Variants in ZNF423 observed in about 807,000 individuals in gnomAD.
ZNF423 encodes the protein zinc finger protein 423.
Under a neutral mutation model 95.8 loss-of-function variants are expected in ZNF423, and 12 were observed. That is an observed-to-expected ratio of 0.13 (90% CI 0.08 to 0.20). The LOEUF is 0.20. Among genes scored for constraint, ZNF423 ranks in the 10% least tolerant of loss-of-function variants. The pLI is 1.00. For missense variants in ZNF423, 1,316 were observed against 1,737.1 expected, an observed-to-expected ratio of 0.76 and a Z score of 4.31; for synonymous variants, 749 against 711.9, an observed-to-expected ratio of 1.05 and a Z score of -0.83.
rs114909092 is a variant in ZNF423, at chr16:49,695,168, C to T, written c.301+35603G>A. On this transcript the variant is annotated intron_variant, in intron 3 of 7. Transcript: ENST00000563137. ...TCTCACTCTTGCCCAAGCTGGAGTG[C>T]GGTGGCGCGATCTGGGCTCACTGAA... Among the ~76,000 whole-genome samples, 99 of 152,338 alleles carry T rather than the reference C, an allele frequency of 6.5e-4. 1 individual carries two copies. The South Asian group carries it at 0.017, about 25-fold the overall frequency.
intron 2 of ZNF423, among the ~76,000 whole-genome samples, chr16:49,752,172 C>A (rs988240904): frequency 6.6e-6 from 1 of 152,258 alleles, no homozygotes; most frequent in East Asian, 1.9e-4. Context: ...ATGCGGGCCA[C>A]TGTGCCCGTG....
chr16:49,577,635 A>G (rs1346275090), intron 5 of ZNF423, among the ~76,000 whole-genome samples: 2 of 152,196 alleles, frequency 1.3e-5, no homozygotes, highest in East Asian at 3.9e-4. Context: ...AGGTAAGTGC[A>G]GGAGGAGAGC....
chr16:49,753,588 G>A (rs1299304176), intron 2 of ZNF423, among the ~76,000 whole-genome samples: 1 of 145,444 alleles, frequency 6.9e-6, no homozygotes. Context: ...GGGCAACAGA[G>A]TAAGACCCTA....
intron 2 of ZNF423, among the ~76,000 whole-genome samples, chr16:49,773,048 G>A (rs1246875561): frequency 6.6e-6 from 1 of 152,184 alleles, no homozygotes; most frequent in Non-Finnish European, 1.5e-5. Flanking sequence ...GCTGGGCACT[G>A]TGGCTCATGC....
intron 5 of ZNF423, among the ~76,000 whole-genome samples, chr16:49,557,973 C>A (rs1969888994): frequency 6.6e-6 from 1 of 152,176 alleles, no homozygotes; most frequent in Admixed American, 6.5e-5. Flanking sequence ...GGGAAACAGC[C>A]CACAGAGGGG....
intron 2 of ZNF423, chr16:49,731,279 A>G: frequency 1.0e-6 from 1 of 982,684 alleles, no homozygotes; most frequent in Non-Finnish European, 1.2e-6. Flanking sequence ...TCTCCTAAAA[A>G]CCAGATTCAG....
chr16:49,654,449 G>A (rs1973533019), intron 3 of ZNF423, among the ~76,000 whole-genome samples: 1 of 152,226 alleles, frequency 6.6e-6, no homozygotes, highest in African/African-American at 2.4e-5. Flanking sequence ...CCAGGCAGGG[G>A]CATGGACAAG....
chr16:49,755,058 C>T (rs2033701040), intron 2 of ZNF423, among the ~76,000 whole-genome samples: 3 of 152,220 alleles, frequency 2.0e-5, no homozygotes, highest in Non-Finnish European at 4.4e-5. Context: ...CTGCCTCCCT[C>T]CTCAGCAGGA....
At position 49,635,826 on chromosome 16, in the gene ZNF423, G is replaced by T; in HGVS notation, c.3350C>A (p.Pro1117Gln). ...ACAGGGCCGGTCGGCGGGCTCGGGC[G>T]GGGCCAGGCCACCCACCTGTCCGTT... Reference protein sequence around the residue: ...SANGQVGGLAPPEPADRPCAG... With the variant: ...SANGQVGGLAQPEPADRPCAG... Residue 1117 changes from proline (P) to glutamine (Q), a missense_variant, in exon 4 of 8, where the codon CCG becomes CAG. Physicochemically the swap from Pro to Gln is moderately conservative, Grantham distance 76 (BLOSUM62 -1). Coordinates refer to ENST00000563137, the MANE Select transcript of ZNF423 (RefSeq NM_001379286.1). This position sits in a 1 kb window ranked among gnomAD's most constrained non-coding sequence, Gnocchi z 4.8. 1 of 1,607,642 alleles carries T rather than the reference G, an allele frequency of 6.2e-7. No homozygotes were observed. The highest frequency in any genetic ancestry group is 1.1e-5 in the South Asian group (1 of 90,520).
intron 5 of ZNF423, among the ~76,000 whole-genome samples, chr16:49,587,969 C>T (rs78038373): frequency 6.6e-6 from 1 of 152,174 alleles, no homozygotes; most frequent in Non-Finnish European, 1.5e-5. Context: ...GCAATCACTT[C>T]CTAACCCATT....
At chr16:49,772,665 G>A (rs556935169) in intron 2 of ZNF423, among the ~76,000 whole-genome samples, 1 of 152,340 alleles carries the variant, frequency 6.6e-6, no homozygotes, top group Non-Finnish European at 1.5e-5. Flanking sequence ...GCTGTGGCTT[G>A]AGATACATCC....
chr16:49,662,256 T>C (rs1458485306), intron 3 of ZNF423, among the ~76,000 whole-genome samples: 1 of 152,134 alleles, frequency 6.6e-6, no homozygotes, highest in East Asian at 1.9e-4. Flanking sequence ...ACAAAGAGGT[T>C]TGGTCCCTTC....
intron 5 of ZNF423, among the ~76,000 whole-genome samples, chr16:49,579,003 G>A (rs555601120): frequency 7.9e-5 from 12 of 152,266 alleles, no homozygotes; most frequent in Admixed American, 4.6e-4. Context: ...ATACCTGGGA[G>A]GTTCATGCTC....
At chr16:49,852,111 G>A (rs7499867) in intron 1 of ZNF423, among the ~76,000 whole-genome samples, 23,811 of 152,020 alleles carry the variant, frequency 0.16, 2,483 homozygotes, top group East Asian at 0.4. Context: ...ATGGAAACAC[G>A]CGCAGTGTTC....
chr16:49,685,009 A>G (rs2031509080), intron 3 of ZNF423, among the ~76,000 whole-genome samples: 1 of 152,176 alleles, frequency 6.6e-6, no homozygotes, highest in Non-Finnish European at 1.5e-5. Context: ...TCAGGCTCAG[A>G]GGCCCAGCCA....
chr16:49,760,929 C>CAT (rs1322604432), intron 2 of ZNF423, among the ~76,000 whole-genome samples: 4 of 151,394 alleles, frequency 2.6e-5, no homozygotes, highest in African/African-American at 9.7e-5. Flanking sequence ...CACACACACA[C>CAT]ACACACACGT....
chr16:49,747,291 G>A (rs2033545119), intron 2 of ZNF423, among the ~76,000 whole-genome samples: 1 of 150,450 alleles, frequency 6.6e-6, no homozygotes, highest in South Asian at 2.1e-4. Context: ...GTATCAACAC[G>A]GATTAATCTT....
intron 3 of ZNF423, among the ~76,000 whole-genome samples, chr16:49,675,524 C>T (rs776237426): frequency 1.3e-5 from 2 of 152,070 alleles, no homozygotes; most frequent in Admixed American, 6.5e-5. Context: ...ACTCAGACTC[C>T]GGGCTGCCAC....
intron 4 of ZNF423, among the ~76,000 whole-genome samples, chr16:49,629,285 T>C (rs1185064190): frequency 6.6e-6 from 1 of 152,258 alleles, no homozygotes; most frequent in Non-Finnish European, 1.5e-5. Flanking sequence ...TTGCATCTAA[T>C]CTGACAATCT....
Sources: allele counts gnomAD v4.1 joint callset (sites outside exome capture counted in the v4.1 genomes callset), GRCh38; gene constraint gnomAD v4.1.1; non-coding constraint Gnocchi (gnomAD v3.1); transcripts MANE v1.5; gene names NCBI Gene and HGNC (gene_info 2026-07-23, HGNC 2026-07-21).